TRAPPC8: variants seen among roughly 807,000 people sequenced by gnomAD.
TRAPPC8 encodes the protein trafficking protein particle complex subunit 8.
A neutral mutation model predicts 174.3 loss-of-function variants in TRAPPC8; 54 were observed. That is an observed-to-expected ratio of 0.31 (90% CI 0.25 to 0.39). The LOEUF is 0.39. TRAPPC8 is among the 10% of genes least tolerant of loss of function. The pLI is 1.00. For missense variants in TRAPPC8, 1,531 were observed against 1,699.1 expected, an observed-to-expected ratio of 0.90 and a Z score of 1.74; for synonymous variants, 630 against 579.9, an observed-to-expected ratio of 1.09 and a Z score of -1.24.
At chr18:31,860,565 G>C (rs1598621488) in intron 19 of TRAPPC8, among the ~76,000 whole-genome samples, 1 of 151,914 alleles carries the variant, frequency 6.6e-6, no homozygotes, top group Non-Finnish European at 1.5e-5. Context: ...AGTATAGATG[G>C]GTAACTACTT....
At chr18:31,866,447 G>C (rs2034590378) in intron 18 of TRAPPC8, among the ~76,000 whole-genome samples, 1 of 151,876 alleles carries the variant, frequency 6.6e-6, no homozygotes, top group Non-Finnish European at 1.5e-5. Flanking sequence ...AATATCCAGT[G>C]ATGTGAAAAC....
At position 31,836,953 on chromosome 18, in the gene TRAPPC8, G is replaced by A. The variant is rs571673740; in HGVS notation, c.3983+2359C>T. Among the ~76,000 whole-genome samples the A allele has an allele frequency of 1.0e-3, 155 of 151,948 alleles. 1 individual carries two copies. Among genetic ancestry groups the A allele is most frequent in the African/African-American group, 3.4e-3 (141 of 41,458 alleles). On this transcript the variant is annotated intron_variant, in intron 27 of 28. Transcript: ENST00000283351. The stretch of plus-strand genomic sequence containing the variant: ...ATTTTTTTGTATTTTTAGTAGAGAT[G>A]GGGTTTCACCGTGTTAGCCAGGATG...
chr18:31,912,227 A>G (rs2036943171), intron 5 of TRAPPC8, among the ~76,000 whole-genome samples: 1 of 152,194 alleles, frequency 6.6e-6, no homozygotes, highest in African/African-American at 2.4e-5. Flanking sequence ...ATGATGGCTC[A>G]TGCCTATAAT....
At chr18:31,847,270 CATAAAT>C (rs2033458141) in intron 25 of TRAPPC8, among the ~76,000 whole-genome samples, 2 of 152,258 alleles carry the variant, frequency 1.3e-5, no homozygotes, top group East Asian at 3.9e-4. Context: ...ATGTTATGTT[CATAAAT>C]ATAAATACAT....
intron 2 of TRAPPC8, 71 bp from the exon 3 acceptor site, chr18:31,917,738 G>A (rs1235853854): frequency 2.9e-6 from 4 of 1,385,976 alleles, no homozygotes; most frequent in Middle Eastern, 1.8e-4. Context: ...AAAATTTCAA[G>A]TCCATATTCC....
rs543868184 is a variant in TRAPPC8, at chr18:31,854,907, A to C, written c.3336+753T>G. On this transcript the variant is annotated intron_variant, in intron 21 of 28. Coordinates refer to ENST00000283351, the MANE Select transcript of TRAPPC8 (RefSeq NM_014939.5). The stretch of plus-strand genomic sequence containing the variant: ...CATGAACCCGGGAGGTGGAGCTTGC[A>C]GTGAGCAGAGATCGCGCCACTGCAC... Among the ~76,000 whole-genome samples, 16 of 138,776 alleles carry C rather than the reference A, an allele frequency of 1.2e-4. No homozygotes were observed. In the East Asian group the frequency reaches 3.3e-3, roughly 29 times the overall value. 91.0% of individuals were successfully genotyped at this position (138,776 alleles called of 152,430 possible).
chr18:31,876,489 CA>C (rs71175801), intron 12 of TRAPPC8, among the ~76,000 whole-genome samples: 3,997 of 48,570 alleles, frequency 0.082, 53 homozygotes, highest in East Asian at 0.15. Context: ...GACTCCATCT[CA>C]AAAAAAAAAA....
intron 26 of TRAPPC8, among the ~76,000 whole-genome samples, chr18:31,840,541 C>T (rs1005732126): frequency 2.0e-5 from 3 of 152,032 alleles, no homozygotes; most frequent in Non-Finnish European, 4.4e-5. Context: ...TTCTGATAGC[C>T]GAGTTTGATT....
intron 16 of TRAPPC8, among the ~76,000 whole-genome samples, chr18:31,868,181 T>C (rs1245381715): frequency 6.6e-6 from 1 of 152,188 alleles, no homozygotes; most frequent in African/African-American, 2.4e-5. Flanking sequence ...AAAGCAGAGC[T>C]AATTGGCTCA....
Position 31,855,748 on chromosome 18 carries a change from G to A in TRAPPC8, c.3248C>T (p.Ala1083Val). ...ICTSRSLNVR[A>V]TVCRSNSLEN... Reference sequence around the variant, plus strand: ...AAGAGAATTACTTCTGCAGACAGTGGCCCGTACATTTAAAGACCGACTGGT... The same window carrying A: ...AAGAGAATTACTTCTGCAGACAGTGACCCGTACATTTAAAGACCGACTGGT... Residue 1083 changes from alanine to valine, a missense_variant, in exon 21 of 29, where the codon GCC becomes GTC. Ala to Val is a moderately conservative substitution (Grantham distance 64). Transcript: ENST00000283351. 6.2e-7 allele frequency: 1 copy of A among 1,610,752 alleles called. No homozygotes were observed. Among genetic ancestry groups the A allele is most frequent in the Non-Finnish European group, 8.5e-7 (1 of 1,179,372 alleles).
chr18:31,880,150 C>A (rs2035377458), intron 12 of TRAPPC8, among the ~76,000 whole-genome samples: 1 of 131,738 alleles, frequency 7.6e-6, no homozygotes. Context: ...AGAAAGATTC[C>A]TCCTTAACTA....
intron 18 of TRAPPC8, among the ~76,000 whole-genome samples, chr18:31,865,520 T>G (rs933355424): frequency 2.0e-5 from 3 of 152,002 alleles, no homozygotes; most frequent in African/African-American, 7.2e-5. Context: ...TACATAATAA[T>G]GAGCTATACT....
chr18:31,925,980 G>A (rs930337790), intron 2 of TRAPPC8, among the ~76,000 whole-genome samples: 2 of 152,046 alleles, frequency 1.3e-5, no homozygotes, highest in Non-Finnish European at 2.9e-5. Flanking sequence ...CCATACTAAG[G>A]AAATACACAC....
intron 2 of TRAPPC8, among the ~76,000 whole-genome samples, chr18:31,919,428 G>C (rs1195072838): frequency 6.6e-6 from 1 of 151,564 alleles, no homozygotes; most frequent in African/African-American, 2.4e-5. Context: ...AGCTATTCGG[G>C]GGGCTGAGGC....
intron 9 of TRAPPC8, among the ~76,000 whole-genome samples, chr18:31,904,729 C>T (rs2036586841): frequency 6.6e-6 from 1 of 152,074 alleles, no homozygotes; most frequent in South Asian, 2.1e-4. Flanking sequence ...TATCGTACAG[C>T]TCTAAAACAT....
chr18:31,842,237 A>G (rs2033143584), intron 26 of TRAPPC8, among the ~76,000 whole-genome samples: 1 of 152,202 alleles, frequency 6.6e-6, no homozygotes, highest in Non-Finnish European at 1.5e-5. Context: ...ATTTAATCTC[A>G]CTATTTTCTC....
rs1568132648 is a variant in TRAPPC8 at position 31,916,363 on chromosome 18, T to C, written c.526A>G (p.Asn176Asp). The change falls in exon 4 of 29, where the codon AAC becomes GAC. Residue 176 changes from asparagine (N) to aspartate (D), a missense_variant. Physicochemically the swap from Asn to Asp is conservative, Grantham distance 23 (BLOSUM62 1). Transcript: ENST00000283351. ...CACTTGGGGTAGGAATAATCACTGT[T>C]GTGCTGAATTCGATGCTGTTCTTGT... ...LSQEQHRIQHNSDYSYPKWFI... is the reference protein window; with the variant it reads ...LSQEQHRIQHDSDYSYPKWFI... 2 of 1,613,910 alleles carry C rather than the reference T, an allele frequency of 1.2e-6. No individual in the cohort carries two copies. The highest frequency in any genetic ancestry group is 2.2e-5 in the East Asian group (1 of 44,880).
chr18:31,839,487 A>C, intron 26 of TRAPPC8, 30 bp from the exon 27 acceptor site: 1 of 1,562,240 alleles, frequency 6.4e-7, no homozygotes, highest in Non-Finnish European at 8.6e-7. Flanking sequence ...ACATATGACA[A>C]TAAAAACACT....
chr18:31,870,358 T>G lies in TRAPPC8; in HGVS notation c.2388+14A>C, dbSNP rs748935614. 10 of 1,598,660 alleles carry G rather than the reference T, an allele frequency of 6.3e-6. No individual in the cohort carries two copies. In the East Asian group the frequency reaches 2.0e-4, roughly 32 times the overall value. ...TAGCTGAAACATAATTACAAATACC[T>G]TTTAATAACTTACTAGTTGTTTAAC... On this transcript the variant is annotated intron_variant, in intron 16 of 28. Transcript: ENST00000283351.
Sources: allele counts gnomAD v4.1 joint callset (sites outside exome capture counted in the v4.1 genomes callset), GRCh38; gene constraint gnomAD v4.1.1; transcripts MANE v1.5; gene names NCBI Gene and HGNC (gene_info 2026-07-23, HGNC 2026-07-21).